FGD6: variants seen among roughly 807,000 people sequenced by gnomAD.
FGD6 encodes FYVE, RhoGEF and PH domain containing 6, also known as FYVE, RhoGEF and PH domain-containing protein 6.
FGD6 carries 90 observed loss-of-function variants against 149.4 expected under a neutral mutation model. The observed-to-expected ratio is 0.60, with a 90% CI of 0.51 to 0.72. The LOEUF (loss-of-function observed/expected upper bound fraction) is 0.72. Among genes scored for constraint, FGD6 ranks in the 30% least tolerant of loss-of-function variants. The probability of loss-of-function intolerance (pLI) is 0.00; values close to 1 mark genes in which losing one functional copy is unlikely to be tolerated. For synonymous variants in FGD6, 527 were observed against 584.0 expected, an observed-to-expected ratio of 0.90 and a Z score of 1.41; for missense variants, 1,437 against 1,684.8, an observed-to-expected ratio of 0.85 and a Z score of 2.57.
At chr12:95,082,654 C>CAA (rs71075900) in intron 20 of FGD6, among the ~76,000 whole-genome samples, 21,210 of 67,422 alleles carry the variant, frequency 0.31, 2,720 homozygotes, top group Non-Finnish European at 0.35. Context: ...GAGACTGTCT[C>CAA]AAAAAAAAAA....
Position 95,217,406 on chromosome 12 carries a change from C to T in FGD6, c.-166G>A, listed in dbSNP as rs2056845174. On this transcript the variant is annotated 5_prime_UTR_variant, in exon 1 of 21. Transcript: ENST00000343958. ...AGCGCCACACAAAGGACGCGGCCGA[C>T]TCTAGCGACCCTGCGGCGCTCCCGG... 6 of 1,171,052 alleles carry T rather than the reference C, an allele frequency of 5.1e-6. No individual in the cohort carries two copies. In the South Asian group the frequency reaches 5.8e-5, roughly 11 times the overall value. 72.5% of individuals were successfully genotyped at this position (1,171,052 alleles called of 1,614,324 possible).
chr12:95,158,573 A>G (rs1281643359), intron 3 of FGD6, among the ~76,000 whole-genome samples: 5 of 152,134 alleles, frequency 3.3e-5, no homozygotes, highest in East Asian at 1.9e-4. Flanking sequence ...TCATGATTAC[A>G]TAAGTGTCTA....
chr12:95,156,707 T>C (rs1213564084), intron 3 of FGD6, among the ~76,000 whole-genome samples: 2 of 152,120 alleles, frequency 1.3e-5, no homozygotes, highest in African/African-American at 4.8e-5. Flanking sequence ...AACTTGCTGG[T>C]TTTACGGCTC....
At chr12:95,109,568 TAAA>T (rs11439615) in intron 9 of FGD6, among the ~76,000 whole-genome samples, 1 of 151,494 alleles carries the variant, frequency 6.6e-6, no homozygotes, top group Non-Finnish European at 1.5e-5. Context: ...AAAGGACTAT[TAAA>T]AAAAAGAGTG....
intron 8 of FGD6, among the ~76,000 whole-genome samples, chr12:95,129,243 G>A (rs1045723828): frequency 3.9e-5 from 6 of 152,268 alleles, no homozygotes; most frequent in Admixed American, 3.3e-4. Flanking sequence ...CTGAAAGAAT[G>A]CTTTTAAACA....
In FGD6 at chr12:95,217,246, C is replaced by T. The variant is rs1402376708; in HGVS notation, c.-6G>A. On this transcript the variant is annotated 5_prime_UTR_variant, in exon 1 of 21. Coordinates refer to ENST00000343958, the MANE Select transcript of FGD6 (RefSeq NM_018351.4). Reference sequence around the variant, plus strand: ...TTACCGGCTGCAGAAGTCATGATTCCCCGGTGCAGCTCGCTTCCCCGCTCG... The same window carrying T: ...TTACCGGCTGCAGAAGTCATGATTCTCCGGTGCAGCTCGCTTCCCCGCTCG... 3.7e-6 allele frequency: 6 copies of T among 1,611,600 alleles called. No homozygotes were observed. In the Admixed American group the frequency reaches 6.7e-5, roughly 18 times the overall value.
intron 1 of FGD6, among the ~76,000 whole-genome samples, chr12:95,212,736 G>C (rs1231922013): frequency 6.6e-6 from 1 of 152,028 alleles, no homozygotes; most frequent in Admixed American, 6.6e-5. Context: ...TATTTCATTT[G>C]GTGATGACTT....
chr12:95,146,664 T>C (rs977283391), intron 5 of FGD6, among the ~76,000 whole-genome samples: 7 of 152,178 alleles, frequency 4.6e-5, no homozygotes, highest in Non-Finnish European at 5.9e-5. Context: ...ACACTGTAGT[T>C]TCTGGTCATA....
chr12:95,209,269 C>A lies in FGD6; in HGVS notation c.2015G>T (p.Ser672Ile). Residue 672 changes from serine to isoleucine, a missense_variant, in exon 2 of 21, where the codon AGT (serine) becomes ATT (isoleucine). Transcript: ENST00000343958. ...TCCTACCAACAAGCCTTGCCAATCA[C>A]TTTCAATCCCCTTCTGCTCCCCACT... ...LSSGEQKGIE[S>I]DWQGLLVGEE... 1 of 1,614,164 alleles carries A rather than the reference C, an allele frequency of 6.2e-7. No individual in the cohort carries two copies. Among genetic ancestry groups the A allele is most frequent in the Non-Finnish European group, 8.5e-7 (1 of 1,180,032 alleles).
In FGD6 at chr12:95,141,526, G is replaced by A. The variant is rs763363908; in HGVS notation, c.2699C>T (p.Ala900Val). The A allele has an allele frequency of 5.0e-6, 8 of 1,613,934 alleles. No individual in the cohort carries two copies. The highest frequency in any genetic ancestry group is 3.3e-5 in the Admixed American group (2 of 59,998). Reference sequence around the variant, plus strand: ...AAGTTGCCTGGAAGCATGAGCTACTGCATCCCGGAAATCCTATTACAGTCC... The same window carrying A: ...AAGTTGCCTGGAAGCATGAGCTACTACATCCCGGAAATCCTATTACAGTCC... ...LKLLHIDFRD[A>V]VAHASRQLGK... Residue 900 changes from alanine to valine, a missense_variant, in exon 6 of 21, where the codon GCA becomes GTA. Transcript: ENST00000343958.
At chr12:95,192,073 A>G (rs1015933418) in intron 2 of FGD6, among the ~76,000 whole-genome samples, 2 of 152,174 alleles carry the variant, frequency 1.3e-5, no homozygotes, top group African/African-American at 4.8e-5. Flanking sequence ...ATAACCAACT[A>G]ATATAAATGC....
At chr12:95,154,080 C>T (rs1490507560) in intron 3 of FGD6, among the ~76,000 whole-genome samples, 2 of 152,096 alleles carry the variant, frequency 1.3e-5, no homozygotes, top group African/African-American at 2.4e-5. Context: ...CTGCCTCAGC[C>T]TCCCGAGTAG....
intron 1 of FGD6, among the ~76,000 whole-genome samples, chr12:95,216,421 T>C (rs1056848353): frequency 3.9e-5 from 6 of 152,194 alleles, no homozygotes; most frequent in African/African-American, 1.4e-4. Flanking sequence ...AGTTCTGGTT[T>C]AAAAATTAAC....
intron 5 of FGD6, among the ~76,000 whole-genome samples, chr12:95,151,647 T>A (rs1880312151): frequency 6.6e-6 from 1 of 152,304 alleles, no homozygotes; most frequent in South Asian, 2.1e-4. Context: ...AAGTGTAACT[T>A]ACTTTTCATG....
chr12:95,155,504 C>T (rs555432464), intron 3 of FGD6, among the ~76,000 whole-genome samples: 9 of 152,042 alleles, frequency 5.9e-5, no homozygotes, highest in East Asian at 1.9e-4. Context: ...CTCTAGCCTG[C>T]GCAAGAAAAG....
chr12:95,154,046 G>A lies in FGD6; in HGVS notation c.2587-1053C>T, dbSNP rs564433456. 4.0e-4 allele frequency among the ~76,000 whole-genome samples: 60 copies of A among 151,844 alleles called. No homozygotes were observed. The South Asian group carries it at 6.3e-3, about 16-fold the overall frequency. ...GTGATCTCAGCTCACTGCAACCTCT[G>A]CCTCCGGGGTTCGAGAGATTCTCCT... On this transcript the variant is annotated intron_variant, in intron 3 of 20. Transcript: ENST00000343958.
chr12:95,082,251 C>T (rs1025800397), intron 20 of FGD6, among the ~76,000 whole-genome samples: 5 of 152,196 alleles, frequency 3.3e-5, no homozygotes, highest in Non-Finnish European at 4.4e-5. Context: ...CTCCTCCTAC[C>T]TTAACTCTAG....
intron 17 of FGD6, among the ~76,000 whole-genome samples, chr12:95,090,335 T>G (rs1452037782): frequency 6.6e-6 from 1 of 152,084 alleles, no homozygotes; most frequent in Non-Finnish European, 1.5e-5. Context: ...TGGACTGTTG[T>G]TTATATGTTT....
At chr12:95,127,047 T>C (rs913558701) in intron 8 of FGD6, among the ~76,000 whole-genome samples, 138 of 152,252 alleles carry the variant, frequency 9.1e-4, no homozygotes, top group African/African-American at 3.1e-3. Flanking sequence ...GGAACTACCT[T>C]ATATCAGACA....
Sources: allele counts gnomAD v4.1 joint callset (sites outside exome capture counted in the v4.1 genomes callset), GRCh38; gene constraint gnomAD v4.1.1; transcripts MANE v1.5; gene names NCBI Gene and HGNC (gene_info 2026-07-23, HGNC 2026-07-21).